MAST4: variants seen among roughly 807,000 people sequenced by gnomAD.
The protein encoded by MAST4 is microtubule-associated serine/threonine-protein kinase 4.
In MAST4, 89 loss-of-function variants were observed where a neutral mutation model predicts 162.7. The observed-to-expected ratio is 0.55, with a 90% CI of 0.46 to 0.65. The LOEUF (loss-of-function observed/expected upper bound fraction) is 0.65, where lower values mean the gene tolerates loss of function less well. Ranked by LOEUF, MAST4 falls within the 30% of genes least tolerant of loss-of-function variation. The pLI, the probability that MAST4 is intolerant of heterozygous loss-of-function variation, is 0.00. For synonymous variants in MAST4, 1,479 were observed against 1,361.1 expected, an observed-to-expected ratio of 1.09 and a Z score of -1.91; for missense variants, 3,153 against 3,374.0, an observed-to-expected ratio of 0.93 and a Z score of 1.62.
chr5:66,996,050 G>A (rs907973613), intron 4 of MAST4, among the ~76,000 whole-genome samples: 2 of 152,134 alleles, frequency 1.3e-5, no homozygotes, highest in Admixed American at 1.3e-4. Flanking sequence ...GGCTGCGGTG[G>A]GTGGATTGCC....
chr5:66,607,529 G>A (rs1742971197), intron 1 of MAST4, among the ~76,000 whole-genome samples: 1 of 152,134 alleles, frequency 6.6e-6, no homozygotes, highest in Admixed American at 6.5e-5. Flanking sequence ...GAATTATTTT[G>A]GTTTCTGATG....
At chr5:66,614,651 T>C (rs868284439) in intron 1 of MAST4, among the ~76,000 whole-genome samples, 1 of 152,226 alleles carries the variant, frequency 6.6e-6, no homozygotes, top group Non-Finnish European at 1.5e-5. Flanking sequence ...TCTCCTTCCC[T>C]GGAGAGTAAG....
chr5:66,605,540 C>G (rs754389396), intron 1 of MAST4, among the ~76,000 whole-genome samples: 14 of 152,176 alleles, frequency 9.2e-5, no homozygotes, highest in Non-Finnish European at 1.9e-4. Context: ...TGGTACTTTA[C>G]TGTTCAAAAT....
rs1165089103 is a variant in MAST4 at position 66,688,388 on chromosome 5, T to G, written c.364-71321T>G. ...TCTGATTCAGTCATATCTCCTGAAG[T>G]GCTATCTGGAAGTGCTATAATGGTT... On this transcript the variant is annotated intron_variant, in intron 1 of 28. Transcript: ENST00000403625. 2.0e-5 allele frequency among the ~76,000 whole-genome samples: 3 copies of G among 152,206 alleles called. No homozygotes were observed. In the East Asian group the frequency reaches 5.8e-4, roughly 29 times the overall value.
At chr5:66,625,749 A>G (rs1744383270) in intron 1 of MAST4, among the ~76,000 whole-genome samples, 1 of 152,220 alleles carries the variant, frequency 6.6e-6, no homozygotes, top group Non-Finnish European at 1.5e-5. Context: ...AGAAGATTAA[A>G]AAAGGAAGCA....
intron 2 of MAST4, among the ~76,000 whole-genome samples, chr5:66,766,175 T>C (rs1754086369): frequency 6.6e-6 from 1 of 152,198 alleles, no homozygotes; most frequent in Non-Finnish European, 1.5e-5. Context: ...TGCAAATGCA[T>C]GCCCCAAATC....
At chr5:67,090,335 TTC>T in intron 6 of MAST4, 104 bp downstream of exon 6, 1 of 457,716 alleles carries the variant, frequency 2.2e-6, no homozygotes, top group Non-Finnish European at 3.6e-6. Context: ...CCGTCCCCAC[TTC>T]TCCCCCTCCC....
chr5:66,893,037 T>C (rs1762457050), intron 3 of MAST4, among the ~76,000 whole-genome samples: 2 of 152,254 alleles, frequency 1.3e-5, no homozygotes, highest in African/African-American at 4.8e-5. Context: ...TTTAGCTTTA[T>C]GGCAGAAAAA....
chr5:66,738,838 A>G (rs569672591), intron 1 of MAST4, among the ~76,000 whole-genome samples: 1 of 152,126 alleles, frequency 6.6e-6, no homozygotes, highest in Non-Finnish European at 1.5e-5. Flanking sequence ...TCTTCTTTGA[A>G]CTTTTATTTC....
At chr5:66,844,292 AGCTTTGAAATGCAG>A (rs1240933987) in intron 3 of MAST4, among the ~76,000 whole-genome samples, 2 of 151,606 alleles carry the variant, frequency 1.3e-5, no homozygotes, top group Non-Finnish European at 2.9e-5. Context: ...TGACCTTTTC[AGCTTTGAAATGCAG>A]GCACACATTT....
chr5:66,973,112 T>C (rs901158492), intron 4 of MAST4, among the ~76,000 whole-genome samples: 1 of 152,158 alleles, frequency 6.6e-6, no homozygotes, highest in East Asian at 1.9e-4. Context: ...TCCTGGACCA[T>C]TTGAGAGTAA....
At chr5:66,606,110 CT>C (rs1742864469) in intron 1 of MAST4, among the ~76,000 whole-genome samples, 1 of 152,136 alleles carries the variant, frequency 6.6e-6, no homozygotes, top group Non-Finnish European at 1.5e-5. Context: ...ATTCTTGCTT[CT>C]TTTTTTCTTC....
intron 4 of MAST4, chr5:67,003,886 C>T (rs1019379345): frequency 6.6e-6 from 1 of 152,224 alleles, no homozygotes; most frequent in Non-Finnish European, 1.5e-5. Context: ...CAGGTGTGCA[C>T]CGTGGTCATT....
Position 67,166,704 on chromosome 5 carries a change from G to C in MAST4, c.7525G>C (p.Gly2509Arg), listed in dbSNP as rs760215018. The C allele has an allele frequency of 4.4e-6, 7 of 1,589,128 alleles. No individual in the cohort carries two copies. Among genetic ancestry groups the C allele is most frequent in the South Asian group, 1.1e-5 (1 of 87,188 alleles). Residue 2509 changes from glycine to arginine, a missense_variant, in exon 29 of 29, where the codon GGG (glycine) becomes CGG (arginine). By Grantham distance (125) the Gly-to-Arg change is moderately radical (BLOSUM62 -2). Transcript: ENST00000403625. ...GGACCATAGGAAGGCTCAGCCTGCC[G>C]GGGAGGGCCGAACCCACATGACAAA... is the stretch of plus-strand genomic sequence containing the variant. ...NRDHRKAQPA[G>R]EGRTHMTKSD...
chr5:66,934,285 C>A (rs1391546466), intron 4 of MAST4, among the ~76,000 whole-genome samples: 1 of 145,618 alleles, frequency 6.9e-6, no homozygotes, highest in African/African-American at 2.5e-5. Context: ...TCTCAATTCT[C>A]CTATAACTTT....
At chr5:66,997,275 T>C (rs1286305613) in intron 4 of MAST4, among the ~76,000 whole-genome samples, 3 of 152,162 alleles carry the variant, frequency 2.0e-5, no homozygotes, top group African/African-American at 7.2e-5. Context: ...TGGGTCTATG[T>C]ATGTATATGT....
At chr5:67,016,915 G>A (rs1477566342) in intron 4 of MAST4, among the ~76,000 whole-genome samples, 1 of 152,178 alleles carries the variant, frequency 6.6e-6, no homozygotes, top group African/African-American at 2.4e-5. Flanking sequence ...TCTGATTATG[G>A]ATGGCAATAC....
At chr5:66,659,033 A>G (rs1175455222) in intron 1 of MAST4, among the ~76,000 whole-genome samples, 1 of 152,066 alleles carries the variant, frequency 6.6e-6, no homozygotes, top group East Asian at 1.9e-4. Context: ...AAAATAAATA[A>G]TTAAAAATTC....
intron 2 of MAST4, among the ~76,000 whole-genome samples, chr5:66,773,013 G>T (rs1754428678): frequency 6.6e-6 from 1 of 152,156 alleles, no homozygotes; most frequent in Non-Finnish European, 1.5e-5. Flanking sequence ...AGAGCTGCTG[G>T]TAGGTGTCCT....
Sources: allele counts gnomAD v4.1 joint callset (sites outside exome capture counted in the v4.1 genomes callset), GRCh38; gene constraint gnomAD v4.1.1; transcripts MANE v1.5; gene names NCBI Gene and HGNC (gene_info 2026-07-23, HGNC 2026-07-21).